Variants in KHDRBS2 observed in about 807,000 individuals in gnomAD.
KHDRBS2 encodes KH domain-containing, RNA-binding, signal transduction-associated protein 2.
In KHDRBS2, 26 loss-of-function variants were observed where a neutral mutation model predicts 44.3. The observed-to-expected ratio is 0.59, with a 90% CI of 0.43 to 0.81. The LOEUF (loss-of-function observed/expected upper bound fraction) is 0.81. KHDRBS2 is among the 40% of genes least tolerant of loss of function. The pLI is 0.00. For missense variants in KHDRBS2, 476 were observed against 433.1 expected (o/e 1.10, Z -0.88); for synonymous variants, 194 against 151.1 (o/e 1.28, Z -2.08).
chr6:62,108,573 T>C (rs905959876), intron 2 of KHDRBS2, among the ~76,000 whole-genome samples: 1 of 152,108 alleles, frequency 6.6e-6, no homozygotes, highest in African/African-American at 2.4e-5. Flanking sequence ...GAAATACCAT[T>C]TGACCCAGCC....
rs1774245983 is a variant in KHDRBS2 at position 61,983,199 on chromosome 6, A to AC, written c.337-4988_337-4987insG. Among the ~76,000 whole-genome samples, 5 of 124,974 alleles carry AC rather than the reference A, an allele frequency of 4.0e-5. 1 individual carries two copies. Among genetic ancestry groups the AC allele is most frequent in the African/African-American group, 6.1e-5 (2 of 32,978 alleles). The allele number at this position is 124,974 out of a possible 152,430, so 82.0% of individuals were successfully genotyped here. On this transcript the variant is annotated intron_variant, in intron 3 of 8. Transcript: ENST00000281156. ...ATTTTGAGTAATTAAAGTTTTTTTC[A>AC]TTTTCTTTCTTTCTTTCTTTCTTTC...
intron 2 of KHDRBS2, among the ~76,000 whole-genome samples, chr6:62,125,799 C>A: frequency 6.6e-6 from 1 of 152,238 alleles, no homozygotes; most frequent in South Asian, 2.1e-4. Context: ...ATTCTTCACC[C>A]GCTGACTAAA....
At chr6:61,995,078 A>G (rs767874438) in intron 3 of KHDRBS2, among the ~76,000 whole-genome samples, 110 of 152,134 alleles carry the variant, frequency 7.2e-4, no homozygotes, top group Non-Finnish European at 1.2e-3. Flanking sequence ...GGCCACAATA[A>G]AGGGTTCATT....
intron 6 of KHDRBS2, chr6:61,814,057 A>G (rs538285739): frequency 2.2e-6 from 1 of 455,918 alleles, no homozygotes; most frequent in African/African-American, 2.0e-5. Context: ...ATATTTATTC[A>G]TTTATTTATG....
intron 3 of KHDRBS2, among the ~76,000 whole-genome samples, chr6:62,021,103 A>G (rs1318769366): frequency 6.6e-6 from 1 of 152,032 alleles, no homozygotes; most frequent in Non-Finnish European, 1.5e-5. Flanking sequence ...GCTGGAGGCC[A>G]TTATCCTTAG....
chr6:61,556,515 ATTC>A, the KHDRBS2 span, among the ~76,000 whole-genome samples: 3 of 152,218 alleles, frequency 2.0e-5, no homozygotes, highest in Non-Finnish European at 4.4e-5. Context: ...GGCTCACTTC[ATTC>A]TTCTTGAGAA....
At chr6:62,215,609 A>G (rs1183130950) in intron 1 of KHDRBS2, among the ~76,000 whole-genome samples, 1 of 151,878 alleles carries the variant, frequency 6.6e-6, no homozygotes, top group Non-Finnish European at 1.5e-5. Context: ...AAATTAGAAA[A>G]TAATTACTTC....
chr6:61,955,096 A>ATG (rs1373046734), intron 4 of KHDRBS2, among the ~76,000 whole-genome samples: 8 of 124,096 alleles, frequency 6.4e-5, no homozygotes, highest in South Asian at 2.4e-4. Context: ...GCATACATAT[A>ATG]TGTATATATA....
intron 2 of KHDRBS2, among the ~76,000 whole-genome samples, chr6:62,125,618 A>G (rs1156615885): frequency 6.6e-6 from 1 of 152,160 alleles, no homozygotes; most frequent in Non-Finnish European, 1.5e-5. Context: ...GGAAGAGTAA[A>G]GAGGACTTTG....
chr6:62,032,212 G>T (rs1389005840), intron 3 of KHDRBS2, among the ~76,000 whole-genome samples: 1 of 152,072 alleles, frequency 6.6e-6, no homozygotes, highest in African/African-American at 2.4e-5. Flanking sequence ...GACTGTTAGG[G>T]TGCTGCCAAA....
chr6:61,701,263 G>A (rs1768612886), intron 7 of KHDRBS2, among the ~76,000 whole-genome samples: 1 of 151,912 alleles, frequency 6.6e-6, no homozygotes, highest in Non-Finnish European at 1.5e-5. Context: ...TTTACAAGAT[G>A]AAACAAAAGT....
intron 6 of KHDRBS2, among the ~76,000 whole-genome samples, chr6:61,818,907 A>G (rs567052714): frequency 1.3e-5 from 2 of 152,058 alleles, no homozygotes; most frequent in African/African-American, 4.8e-5. Context: ...AAATCTGATT[A>G]TTAGGTCAAA....
At chr6:62,034,398 G>C (rs138083147) in intron 3 of KHDRBS2, among the ~76,000 whole-genome samples, 2 of 151,908 alleles carry the variant, frequency 1.3e-5, no homozygotes, top group African/African-American at 4.8e-5. Flanking sequence ...TATCTCTGAT[G>C]AATATTGACA....
intron 3 of KHDRBS2, among the ~76,000 whole-genome samples, chr6:62,033,153 G>T (rs1784652959): frequency 6.6e-6 from 1 of 151,726 alleles, no homozygotes; most frequent in African/African-American, 2.4e-5. Context: ...CAGGTTATTT[G>T]AAAATACCCA....
chr6:61,824,712 C>T (rs1790559873), intron 6 of KHDRBS2, among the ~76,000 whole-genome samples: 1 of 152,036 alleles, frequency 6.6e-6, no homozygotes, highest in African/African-American at 2.4e-5. Flanking sequence ...ACTAGGGAGG[C>T]TTTAAGTTTT....
At chr6:61,869,277 A>G (rs1798246866) in intron 6 of KHDRBS2, among the ~76,000 whole-genome samples, 1 of 152,180 alleles carries the variant, frequency 6.6e-6, no homozygotes, top group Non-Finnish European at 1.5e-5. Context: ...TTCTTCACAC[A>G]ATTTTCTATT....
chr6:62,054,701 A>T (rs1004566529), intron 2 of KHDRBS2, among the ~76,000 whole-genome samples: 1 of 152,064 alleles, frequency 6.6e-6, no homozygotes, highest in African/African-American at 2.4e-5. Context: ...GGCAGCTTCT[A>T]TTAGGTGGAA....
chr6:61,545,106 T>G, the KHDRBS2 span, among the ~76,000 whole-genome samples: 1 of 151,838 alleles, frequency 6.6e-6, no homozygotes, highest in Non-Finnish European at 1.5e-5. Context: ...AAAATTTGAG[T>G]AGGAAGCTGC....
intron 6 of KHDRBS2, among the ~76,000 whole-genome samples, chr6:61,850,759 G>A (rs542411524): frequency 3.6e-4 from 55 of 152,226 alleles, no homozygotes; most frequent in African/African-American, 1.3e-3. Context: ...GTTGAGGGGA[G>A]GCTGAGGCAA....
Sources: allele counts gnomAD v4.1 joint callset (sites outside exome capture counted in the v4.1 genomes callset), GRCh38; gene constraint gnomAD v4.1.1; transcripts MANE v1.5; gene names NCBI Gene and HGNC (gene_info 2026-07-23, HGNC 2026-07-21).